The following ZNF420 variants were observed in gnomAD, a reference collection of about 807,000 sequenced individuals.
ZNF420 encodes ATM and p53-associated KZNF protein.
In ZNF420, 31 loss-of-function variants were observed where a neutral mutation model predicts 44.7. The observed-to-expected ratio is 0.69, with a 90% CI of 0.52 to 0.94. The LOEUF (loss-of-function observed/expected upper bound fraction) is 0.94. Ranked by LOEUF, ZNF420 falls within the 40% of genes least tolerant of loss-of-function variation. The pLI, the probability that ZNF420 is intolerant of heterozygous loss-of-function variation, is 0.00. For missense variants in ZNF420, 681 were observed against 827.9 expected (o/e 0.82, Z 2.18); for synonymous variants, 245 against 267.4 (o/e 0.92, Z 0.82).
intron 1 of ZNF420, among the ~76,000 whole-genome samples, chr19:37,021,237 G>A (rs192872454): frequency 4.6e-5 from 7 of 152,304 alleles, no homozygotes; most frequent in Admixed American, 1.3e-4. Context: ...AGTAGACAAT[G>A]AGTGTGCTAA....
intron 1 of ZNF420, among the ~76,000 whole-genome samples, chr19:37,059,906 CCTCT>C (rs1000392585): frequency 1.4e-3 from 215 of 151,696 alleles, no homozygotes; most frequent in African/African-American, 4.8e-3. Flanking sequence ...TCTCTCTCTC[CCTCT>C]GTCTGTATGT....
In ZNF420 at chr19:37,090,692, C is replaced by T. The variant is rs112947639; in HGVS notation, c.10-303C>T. Among the ~76,000 whole-genome samples, 1,328 of 152,010 alleles carry T rather than the reference C, an allele frequency of 8.7e-3. 23 individuals carry two copies. Among genetic ancestry groups the T allele is most frequent in the African/African-American group, 0.031 (1,278 of 41,456 alleles). On this transcript the variant is annotated intron_variant, in intron 3 of 4. Coordinates refer to ENST00000337995, the MANE Select transcript of ZNF420 (RefSeq NM_144689.5). ...ATCCCAGCACTTTGGGAGGCCTAGT[C>T]GGGTGAATCACAAGGTCAGGAGTTC... is the stretch of plus-strand genomic sequence containing the variant.
chr19:37,062,723 A>G (rs998008936), intron 1 of ZNF420, among the ~76,000 whole-genome samples: 1 of 152,234 alleles, frequency 6.6e-6, no homozygotes, highest in Admixed American at 6.5e-5. Context: ...AAATAAATAC[A>G]TCATTTAAAA....
intron 1 of ZNF420, among the ~76,000 whole-genome samples, chr19:37,053,376 C>T (rs1967677171): frequency 6.6e-6 from 1 of 152,228 alleles, no homozygotes; most frequent in Non-Finnish European, 1.5e-5. Flanking sequence ...AAGTCATTTT[C>T]CATCCAGCTT....
At chr19:37,096,455 T>C (rs528670717) in intron 4 of ZNF420, among the ~76,000 whole-genome samples, 18 of 152,120 alleles carry the variant, frequency 1.2e-4, no homozygotes, top group African/African-American at 4.1e-4. Flanking sequence ...GTCATTTTCC[T>C]TTAAGGTTTG....
At chr19:37,093,749 G>A (rs942039829) in intron 4 of ZNF420, among the ~76,000 whole-genome samples, 6 of 152,172 alleles carry the variant, frequency 3.9e-5, no homozygotes, top group African/African-American at 1.2e-4. Context: ...TATATGAAAC[G>A]TCCTCAATAG....
chr19:37,117,879 G>A (rs1207792704), intron 4 of ZNF420, among the ~76,000 whole-genome samples: 3 of 152,164 alleles, frequency 2.0e-5, no homozygotes, highest in Non-Finnish European at 4.4e-5. Context: ...ATCAGTGATG[G>A]AAGATCAAAT....
intron 1 of ZNF420, among the ~76,000 whole-genome samples, chr19:37,036,682 C>T (rs1265888832): frequency 6.6e-6 from 1 of 152,168 alleles, no homozygotes; most frequent in African/African-American, 2.4e-5. Flanking sequence ...AATCTTGAGT[C>T]TTCACAGAAG....
chr19:37,127,612 C>A lies in ZNF420; in HGVS notation c.621C>A (p.Ser207Arg), dbSNP rs1206343523. The stretch of plus-strand genomic sequence containing the variant: ...AATGTGGGAAGGCCTTTACTCAAAG[C>A]TCACAACTTATTTTACATCATAGAA... ...CKECGKAFTQSSQLILHHRIH... is the reference protein window; with the variant it reads ...CKECGKAFTQRSQLILHHRIH... The change falls in exon 5 of 5, where the codon AGC becomes AGA. Residue 207 changes from serine to arginine, a missense_variant. Ser to Arg is a moderately radical substitution (Grantham distance 110). Coordinates refer to ENST00000337995, the MANE Select transcript of ZNF420 (RefSeq NM_144689.5). 4.3e-6 allele frequency: 7 copies of A among 1,613,546 alleles called. No homozygotes were observed. The highest frequency in any genetic ancestry group is 5.9e-6 in the Non-Finnish European group (7 of 1,179,852).
rs955247951 is a variant in ZNF420 at position 37,129,993 on chromosome 19, A to G, written c.*935A>G. 10 of 1,503,130 alleles carry G rather than the reference A, an allele frequency of 6.7e-6. No individual in the cohort carries two copies. Among genetic ancestry groups the G allele is most frequent in the Admixed American group, 2.2e-5 (1 of 44,532 alleles). The allele number at this position is 1,503,130 out of a possible 1,614,324, so 93.1% of individuals were successfully genotyped here. ...ACTGCTTTTTTCCTACCCTATATCT[A>G]TTTTCTCTTTTTTAGTAACAAATTT... is the stretch of plus-strand genomic sequence containing the variant. On this transcript the variant is annotated 3_prime_UTR_variant, in exon 5 of 5. Transcript: ENST00000337995.
intron 4 of ZNF420, chr19:37,109,934 C>T (rs2037136889): frequency 2.0e-5 from 3 of 151,956 alleles, no homozygotes; most frequent in Non-Finnish European, 2.9e-5. Context: ...CTTACTGTCT[C>T]CCCCTTCTTT....
At chr19:37,058,165 G>T (rs1016791845) in intron 1 of ZNF420, among the ~76,000 whole-genome samples, 1 of 152,110 alleles carries the variant, frequency 6.6e-6, no homozygotes, top group African/African-American at 2.4e-5. Flanking sequence ...GAGAAAATTC[G>T]TGGAGATCCG....
chr19:37,123,771 T>TTGTGTGTGTGTGTG (rs535419705), intron 4 of ZNF420, among the ~76,000 whole-genome samples: 2,814 of 151,216 alleles, frequency 0.019, 78 homozygotes, highest in East Asian at 0.049. Flanking sequence ...CCCAGCTAAT[T>TTGTGTGTGTGTGTG]TGTGTGTGTG....
At chr19:37,068,856 T>C (rs1968012270) in intron 1 of ZNF420, among the ~76,000 whole-genome samples, 1 of 152,130 alleles carries the variant, frequency 6.6e-6, no homozygotes, top group South Asian at 2.1e-4. Context: ...TAGAGCATTA[T>C]TATAAAGTGA....
intron 1 of ZNF420, among the ~76,000 whole-genome samples, chr19:37,036,930 A>G (rs749789112): frequency 2.4e-4 from 36 of 152,224 alleles, no homozygotes; most frequent in Non-Finnish European, 2.5e-4. Flanking sequence ...TGAGTGTAGA[A>G]TTCTCAGATT....
chr19:37,034,916 G>A (rs933724483), intron 1 of ZNF420, among the ~76,000 whole-genome samples: 2 of 152,212 alleles, frequency 1.3e-5, no homozygotes, highest in African/African-American at 4.8e-5. Context: ...TTGTTCAGAA[G>A]ATTGCCTACA....
intron 1 of ZNF420, among the ~76,000 whole-genome samples, chr19:37,062,906 G>C (rs1967901699): frequency 6.6e-6 from 1 of 152,134 alleles, no homozygotes; most frequent in Non-Finnish European, 1.5e-5. Flanking sequence ...GAACTTTGTG[G>C]GGAAATAATC....
chr19:37,075,000 C>T (rs746548582), upstream of ZNF420: 3 of 152,210 alleles, frequency 2.0e-5, no homozygotes, highest in African/African-American at 7.2e-5. Flanking sequence ...TAGACTCATA[C>T]GTACTGGCAT....
chr19:37,123,987 T>G (rs928862456), intron 4 of ZNF420, among the ~76,000 whole-genome samples: 2 of 152,188 alleles, frequency 1.3e-5, no homozygotes, highest in Admixed American at 1.3e-4. Context: ...AAATCTGATA[T>G]ACCATTCAGA....
Sources: allele counts gnomAD v4.1 joint callset (sites outside exome capture counted in the v4.1 genomes callset), GRCh38; gene constraint gnomAD v4.1.1; transcripts MANE v1.5; gene names NCBI Gene and HGNC (gene_info 2026-07-23, HGNC 2026-07-21).